The following ACP7 variants were observed in gnomAD, a reference collection of about 807,000 sequenced individuals.
ACP7 encodes the protein acid phosphatase type 7.
Under a neutral mutation model 60.6 loss-of-function variants are expected in ACP7, and 58 were observed. The observed-to-expected ratio is 0.96, with a 90% CI of 0.77 to 1.19. The LOEUF (loss-of-function observed/expected upper bound fraction) is 1.19, where lower values mean the gene tolerates loss of function less well. Among genes scored for constraint, ACP7 ranks in the 50% most tolerant of loss-of-function variants. The pLI is 0.00. For synonymous variants in ACP7, 237 were observed against 232.6 expected, an observed-to-expected ratio of 1.02 and a Z score of -0.17; for missense variants, 574 against 596.2, an observed-to-expected ratio of 0.96 and a Z score of 0.39.
At chr19:39,092,299 G>T (rs1020279591) in intron 2 of ACP7, among the ~76,000 whole-genome samples, 16 of 152,090 alleles carry the variant, frequency 1.1e-4, no homozygotes, top group Admixed American at 8.5e-4. Context: ...GCTTCAACCC[G>T]GGAGGCAGAG....
chr19:39,099,275 T>G lies in ACP7; in HGVS notation c.505+133T>G, dbSNP rs375137339. 19 of 1,078,402 alleles carry G rather than the reference T, an allele frequency of 1.8e-5. No homozygotes were observed. In the African/African-American group the frequency reaches 2.7e-4, roughly 15 times the overall value. 66.8% of individuals were successfully genotyped at this position (1,078,402 alleles called of 1,614,324 possible). A position where few individuals can be genotyped will look rare whatever the true frequency, so the allele number is the denominator to read the frequency against. On this transcript the variant is annotated intron_variant, in intron 4 of 12. Transcript: ENST00000331256. ...GGAGGGGACAGGGCTGGGGCCAGTG[T>G]GTCTCTGAAGGGACAGGGGATGAGA...
chr19:39,088,491 C>G (rs965296324), intron 2 of ACP7, among the ~76,000 whole-genome samples: 2 of 152,304 alleles, frequency 1.3e-5, no homozygotes, highest in African/African-American at 4.8e-5. Flanking sequence ...CTGTGACAAT[C>G]CAGTGAGATC....
intron 2 of ACP7, among the ~76,000 whole-genome samples, chr19:39,095,981 G>C (rs1190854433): frequency 2.0e-5 from 3 of 152,212 alleles, no homozygotes; most frequent in African/African-American, 7.2e-5. Context: ...ACTGCACACA[G>C]CACAGGGACC....
At chr19:39,099,236 G>C (rs1350704771) in intron 4 of ACP7, 94 bp downstream of exon 4, 8 of 1,343,168 alleles carry the variant, frequency 6.0e-6, no homozygotes, top group Non-Finnish European at 7.7e-6. Flanking sequence ...GGTCGGGGGC[G>C]GTGCTAGGAC....
chr19:39,102,785 C>CTT (rs764070112), intron 11 of ACP7, among the ~76,000 whole-genome samples: 19,807 of 115,342 alleles, frequency 0.17, 2,372 homozygotes, highest in East Asian at 0.37. Flanking sequence ...CTCTCTTTCT[C>CTT]TCTCTCTCTT....
intron 2 of ACP7, among the ~76,000 whole-genome samples, chr19:39,093,077 C>T (rs1362389197): frequency 6.1e-5 from 9 of 146,576 alleles, no homozygotes; most frequent in Non-Finnish European, 1.4e-4. Flanking sequence ...CGCGCCTGGC[C>T]CCCGTTTCTT....
At chr19:39,092,201 G>A (rs896180460) in intron 2 of ACP7, among the ~76,000 whole-genome samples, 20 of 151,938 alleles carry the variant, frequency 1.3e-4, no homozygotes, top group African/African-American at 3.1e-4. Context: ...GGTAAAACCC[G>A]GTCTCTACTA....
intron 2 of ACP7, among the ~76,000 whole-genome samples, chr19:39,087,640 T>G (rs1461405047): frequency 1.3e-5 from 2 of 151,302 alleles, no homozygotes; most frequent in East Asian, 1.9e-4. Context: ...TTGTTTTTTT[T>G]TTTTTTTTTT....
Position 39,098,536 on chromosome 19 carries a change from CG to C in ACP7, c.204del (p.Leu70CysfsTer131). 2 of 1,611,876 alleles carry C rather than the reference CG, an allele frequency of 1.2e-6. No homozygotes were observed. ...GAAGTGCAATTCGGGTTGCAGCCGT[CG>C]GGGCCCCTGCCCCTCCGCGCCCAGG... ...RSEVQFGLQP[S>X]GPLPLRAQGT... On this transcript the variant is annotated frameshift_variant, in exon 3 of 13. Coordinates refer to ENST00000331256, the MANE Select transcript of ACP7 (RefSeq NM_001004318.3). LOFTEE classifies it high-confidence loss of function.
intron 2 of ACP7, among the ~76,000 whole-genome samples, chr19:39,092,370 G>GTA (rs59033785): frequency 0.068 from 10,175 of 148,956 alleles, 413 homozygotes; most frequent in African/African-American, 0.11. Flanking sequence ...GCGAAACTCT[G>GTA]TATATATATA....
chr19:39,087,616 A>G (rs2073157062), intron 2 of ACP7, among the ~76,000 whole-genome samples: 1 of 143,372 alleles, frequency 7.0e-6, no homozygotes, highest in African/African-American at 2.5e-5. Flanking sequence ...GCATGACACC[A>G]TGCCCAGCTA....
rs769238453 is a variant in ACP7, at chr19:39,098,995, C to G, written c.358C>G (p.Arg120Gly). The stretch of plus-strand genomic sequence containing the variant: ...TGGCAGTGCGCAGGGCTGGAGCCGT[C>G]GGTTCCGCTTCAGGGCCCTCAAGAA... ...RCGSAQGWSR[R>G]FRFRALKNGA... The change falls in exon 4 of 13, where the codon CGG (arginine) becomes GGG (glycine). Residue 120 changes from arginine (R) to glycine (G), a missense_variant. Transcript: ENST00000331256. 1 of 1,613,538 alleles carries G rather than the reference C, an allele frequency of 6.2e-7. No homozygotes were observed. The highest frequency in any genetic ancestry group is 8.5e-7 in the Non-Finnish European group (1 of 1,179,952).
At position 39,098,506 on chromosome 19, in the gene ACP7, G is replaced by T. The variant is rs762535102; in HGVS notation, c.170G>T (p.Arg57Leu). The T allele has an allele frequency of 2.5e-6, 4 of 1,602,396 alleles. No individual in the cohort carries two copies. Among genetic ancestry groups the T allele is most frequent in the Non-Finnish European group, 3.4e-6 (4 of 1,174,460 alleles). Residue 57 changes from arginine (R) to leucine (L), a missense_variant, in exon 3 of 13, where the codon CGC becomes CTC. Arg to Leu is a moderately radical substitution (Grantham distance 102). Transcript: ENST00000331256. ...ACTTGGACCACATGGGTCCCAACCC[G>T]CTCTGAAGTGCAATTCGGGTTGCAG... Reference protein sequence around the residue: ...TVTWTTWVPTRSEVQFGLQPS... With the variant: ...TVTWTTWVPTLSEVQFGLQPS...
chr19:39,098,922 C>T, intron 3 of ACP7, 38 bp from the exon 4 acceptor site: 8 of 1,589,902 alleles, frequency 5.0e-6, no homozygotes, highest in Non-Finnish European at 6.8e-6. Flanking sequence ...GGTCCCGGGG[C>T]GCCCCAGCTG....
intron 3 of ACP7, 79 bp downstream of exon 3, chr19:39,098,737 G>C (rs1235138123): frequency 1.0e-5 from 15 of 1,458,034 alleles, no homozygotes; most frequent in South Asian, 1.3e-5. Context: ...ACCACTGGCC[G>C]GTGGCTCAGG....
chr19:39,104,073 C>T (rs1416515493), intron 11 of ACP7, among the ~76,000 whole-genome samples: 1 of 151,238 alleles, frequency 6.6e-6, no homozygotes, highest in African/African-American at 2.4e-5. Flanking sequence ...AACCCTGTTT[C>T]TGGTAAAATA....
intron 2 of ACP7, among the ~76,000 whole-genome samples, chr19:39,086,638 AAAAGG>A: frequency 9.4e-6 from 1 of 106,164 alleles, no homozygotes. Flanking sequence ...TCAAAAAAAA[AAAAGG>A]GGGGGGGGAG....
At chr19:39,089,439 C>T (rs2073180500) in intron 2 of ACP7, among the ~76,000 whole-genome samples, 1 of 152,112 alleles carries the variant, frequency 6.6e-6, no homozygotes, top group African/African-American at 2.4e-5. Context: ...TACAGAGTTC[C>T]TGTCTCCCCT....
chr19:39,100,600 C>G lies in ACP7; in HGVS notation c.650C>G (p.Ala217Gly). 1.2e-6 allele frequency: 2 copies of G among 1,614,012 alleles called. No homozygotes were observed. Among genetic ancestry groups the G allele is most frequent in the South Asian group, 1.1e-5 (1 of 91,072 alleles). Residue 217 changes from alanine (A) to glycine (G), a missense_variant, in exon 6 of 13, where the codon GCT becomes GGT. Ala to Gly is a moderately conservative substitution (Grantham distance 60). Transcript: ENST00000331256. ...TCCAGCAACTTCTCTAACTACAAGG[C>G]TCGCTTCAGCATGCCGGGGGATAAT... ...EERYNFSNYK[A>G]RFSMPGDNEG...
Sources: gnomAD v4.1 joint callset for allele counts (sites outside exome capture counted in the v4.1 genomes callset) on GRCh38, gnomAD v4.1.1 for gene constraint, MANE v1.5 for transcripts, NCBI Gene and HGNC (gene_info 2026-07-23, HGNC 2026-07-21) for gene names.